The following GRIP1 variants were observed in gnomAD, a reference collection of about 807,000 sequenced individuals.
GRIP1 encodes the protein glutamate receptor-interacting protein 1.
A neutral mutation model predicts 129.9 loss-of-function variants in GRIP1; 45 were observed. That is an observed-to-expected ratio of 0.35 (90% CI 0.27 to 0.44). The LOEUF (loss-of-function observed/expected upper bound fraction) is 0.44, where lower values mean the gene tolerates loss of function less well. GRIP1 is among the 20% of genes least tolerant of loss of function. The probability of loss-of-function intolerance (pLI) is 1.00; values close to 1 mark genes in which losing one functional copy is unlikely to be tolerated. For missense variants in GRIP1, 1,196 were observed against 1,396.8 expected (o/e 0.86, Z 2.29); for synonymous variants, 530 against 520.8 (o/e 1.02, Z -0.24).
chr12:66,469,424 G>C (rs1322765281), intron 7 of GRIP1, among the ~76,000 whole-genome samples: 1 of 152,166 alleles, frequency 6.6e-6, no homozygotes, highest in African/African-American at 2.4e-5. Context: ...AGTGATTCTT[G>C]ATAACTATGT....
chr12:66,661,060 C>A (rs1774431785), intron 1 of GRIP1, among the ~76,000 whole-genome samples: 1 of 150,730 alleles, frequency 6.6e-6, no homozygotes, highest in Non-Finnish European at 1.5e-5. Flanking sequence ...GCATAATATA[C>A]AGATAAATAA....
chr12:67,010,950 C>T (rs985472250), intron 1 of GRIP1, among the ~76,000 whole-genome samples: 2 of 152,132 alleles, frequency 1.3e-5, no homozygotes, highest in African/African-American at 4.8e-5. Context: ...AGGACTGAGG[C>T]CTAGTACCTT....
At chr12:66,578,807 G>A (rs1004411768) in intron 2 of GRIP1, among the ~76,000 whole-genome samples, 49 of 152,334 alleles carry the variant, frequency 3.2e-4, no homozygotes, top group Middle Eastern at 3.4e-3. Flanking sequence ...GCCTGCCTCC[G>A]TAGGCTCCAC....
At chr12:66,528,118 A>G (rs565586541) in intron 5 of GRIP1, among the ~76,000 whole-genome samples, 3 of 147,554 alleles carry the variant, frequency 2.0e-5, no homozygotes, top group African/African-American at 7.6e-5. Context: ...ATAGAATTAT[A>G]CTTTAGAATT....
chr12:66,764,133 A>G (rs10878505), intron 1 of GRIP1, among the ~76,000 whole-genome samples: 40,222 of 152,196 alleles, frequency 0.26, 6,400 homozygotes, highest in Non-Finnish European at 0.35. Context: ...ATAAACAATC[A>G]TTTGGAAAAA....
At chr12:66,455,676 A>G in intron 10 of GRIP1, 112 bp from the exon 11 acceptor site, 1 of 965,712 alleles carries the variant, frequency 1.0e-6, no homozygotes. Context: ...AGCAATGGCT[A>G]GGAAGGACCC....
chr12:66,394,475 A>G (rs2056715860), intron 16 of GRIP1, 123 bp from the exon 17 acceptor site: 1 of 846,052 alleles, frequency 1.2e-6, no homozygotes, highest in Admixed American at 2.1e-5. Flanking sequence ...ACAGAAAATA[A>G]TTATTTTGGG....
At chr12:66,932,126 AAATATAAAGGCTCCTGGCCACC>A (rs71088220) in intron 1 of GRIP1, among the ~76,000 whole-genome samples, 27,883 of 151,992 alleles carry the variant, frequency 0.18, 3,134 homozygotes, top group South Asian at 0.26. Context: ...AATATTAAAT[AAATATAAAGGCTCCTGGCCACC>A]AATATAAAGG....
At chr12:66,931,689 G>C (rs1162892168) in intron 1 of GRIP1, among the ~76,000 whole-genome samples, 1 of 152,142 alleles carries the variant, frequency 6.6e-6, no homozygotes, top group East Asian at 1.9e-4. Flanking sequence ...AGAGAAATGA[G>C]AGGGGATAAA....
upstream of GRIP1, among the ~76,000 whole-genome samples, chr12:66,683,184 C>T (rs61926130): frequency 0.031 from 4,783 of 152,112 alleles, 97 homozygotes; most frequent in Middle Eastern, 0.082. Context: ...TTACAGACAA[C>T]GTCACTGACT....
intron 2 of GRIP1, among the ~76,000 whole-genome samples, chr12:66,576,537 C>A (rs941617193): frequency 5.9e-5 from 9 of 152,166 alleles, no homozygotes; most frequent in Non-Finnish European, 1.0e-4. Flanking sequence ...AGAAGACAGC[C>A]TTTGAATTAA....
intron 1 of GRIP1, among the ~76,000 whole-genome samples, chr12:66,796,333 A>AG (rs1408636121): frequency 3.9e-5 from 6 of 152,046 alleles, no homozygotes; most frequent in African/African-American, 1.4e-4. Flanking sequence ...GAATTAAAAA[A>AG]AAAAACTGAT....
intron 1 of GRIP1, among the ~76,000 whole-genome samples, chr12:66,714,327 C>T (rs2035801746): frequency 6.6e-6 from 1 of 151,898 alleles, no homozygotes; most frequent in Non-Finnish European, 1.5e-5. Context: ...GATGATTTAA[C>T]TTTTGAAACA....
intron 1 of GRIP1, among the ~76,000 whole-genome samples, chr12:66,764,232 T>C (rs189816201): frequency 2.0e-4 from 30 of 152,314 alleles, no homozygotes; most frequent in Admixed American, 3.9e-4. Flanking sequence ...CTGATCAATA[T>C]AAGGAATGTA....
At chr12:66,765,737 T>C (rs921558400) in intron 1 of GRIP1, among the ~76,000 whole-genome samples, 1 of 152,208 alleles carries the variant, frequency 6.6e-6, no homozygotes, top group African/African-American at 2.4e-5. Flanking sequence ...CAGGAAGCTC[T>C]TGAGAAGGAA....
chr12:66,441,986 T>C (rs1046078852), intron 13 of GRIP1, among the ~76,000 whole-genome samples: 1 of 152,106 alleles, frequency 6.6e-6, no homozygotes, highest in Non-Finnish European at 1.5e-5. Flanking sequence ...TGTCTCCAAT[T>C]CCAGCACTAC....
intron 1 of GRIP1, among the ~76,000 whole-genome samples, chr12:66,612,687 G>A (rs2064860301): frequency 1.3e-5 from 2 of 151,958 alleles, no homozygotes; most frequent in South Asian, 4.2e-4. Flanking sequence ...TCTAAATATA[G>A]AAAAGGTACA....
At chr12:66,718,065 T>C (rs890145028) in intron 1 of GRIP1, among the ~76,000 whole-genome samples, 1 of 152,076 alleles carries the variant, frequency 6.6e-6, no homozygotes, top group Non-Finnish European at 1.5e-5. Flanking sequence ...ACTTTGGAGA[T>C]TGCCCTTCAA....
Position 66,785,360 on chromosome 12 carries a change from A to ATATATATATATG in GRIP1, c.-420+18692_-420+18693insCATATATATATA, listed in dbSNP as rs1217294972. 8.4e-4 allele frequency among the ~76,000 whole-genome samples: 120 copies of ATATATATATATG among 143,134 alleles called. 1 individual carries two copies. Among genetic ancestry groups the ATATATATATATG allele is most frequent in the Non-Finnish European group, 1.1e-3 (74 of 65,486 alleles). The allele number at this position is 143,134 out of a possible 152,430, so 93.9% of individuals were successfully genotyped here. A position where few individuals can be genotyped will look rare whatever the true frequency, so the allele number is the denominator to read the frequency against. ...CATACATACATATATATATATATAT[A>ATATATATATATG]TATTAGTTGGGCATGGTAGCACTTT... On this transcript the variant is annotated intron_variant, in intron 1 of 4. Coordinates refer to the GRIP1 transcript ENST00000538373.
Sources: allele counts gnomAD v4.1 joint callset (sites outside exome capture counted in the v4.1 genomes callset), GRCh38; gene constraint gnomAD v4.1.1; transcripts MANE v1.5; gene names NCBI Gene and HGNC (gene_info 2026-07-23, HGNC 2026-07-21).